The following PLXNA3 variants were observed in gnomAD, a reference collection of about 807,000 sequenced individuals.
The protein encoded by PLXNA3 is plexin-A3.
PLXNA3 carries 52 observed loss-of-function variants against 118.8 expected under a neutral mutation model. The observed-to-expected ratio is 0.44, with a 90% confidence interval of 0.35 to 0.55. PLXNA3 has a LOEUF of 0.55. Ranked by LOEUF, PLXNA3 falls within the 20% of genes least tolerant of loss-of-function variation. PLXNA3 has a pLI of 0.01. For missense variants in PLXNA3, 1,660 were observed against 1,730.8 expected (o/e 0.96, Z 0.73); for synonymous variants, 925 against 762.4 (o/e 1.21, Z -3.51).
Position 154,469,457 on chromosome X carries a change from G to A in PLXNA3, c.4673G>A (p.Arg1558Lys), listed in dbSNP as rs782249141. The A allele has an allele frequency of 1.7e-5, 20 of 1,205,810 alleles. No homozygotes were observed. The South Asian group carries it at 3.2e-4, about 19-fold the overall frequency. Reference protein sequence around the residue: ...VTTKIECDWKRLNSLAHYQVT... With the variant: ...VTTKIECDWKKLNSLAHYQVT... Reference sequence around the variant, plus strand: ...ACCAAGATCGAGTGTGACTGGAAGAGGCTCAACTCACTGGCCCACTACCAG... The same window carrying A: ...ACCAAGATCGAGTGTGACTGGAAGAAGCTCAACTCACTGGCCCACTACCAG... Residue 1558 changes from arginine to lysine, a missense_variant, in exon 27 of 33, where the codon AGG becomes AAG. Coordinates refer to ENST00000369682, the MANE Select transcript of PLXNA3 (RefSeq NM_017514.5).
At chrX:154,464,344 C>T (rs2069036673) in intron 8 of PLXNA3, 31 bp downstream of exon 8, 3 of 1,201,519 alleles carry the variant, frequency 2.5e-6, no homozygotes, top group Non-Finnish European at 3.4e-6. Context: ...CAGGATGGGG[C>T]AGAGTGGGGC....
Position 154,461,185 on chromosome X carries a change from C to T in PLXNA3, c.681C>T (p.Ile227=). 1.7e-6 allele frequency: 2 copies of T among 1,211,759 alleles called. No homozygotes were observed. Among genetic ancestry groups the T allele is most frequent in the African/African-American group, 1.7e-5 (1 of 58,047 alleles). The change falls in exon 3 of 33, where the codon ATC becomes ATT. Residue 227 remains isoleucine (I), a synonymous_variant. Coordinates refer to ENST00000369682, the MANE Select transcript of PLXNA3 (RefSeq NM_017514.5). ...SLYPAFDIYY[I]YGFVSASFVY... is the part of the protein sequence containing the mutation. ...ACCCTGCCTTTGACATCTACTACAT[C>T]TACGGCTTCGTCAGCGCCTCCTTCG...
intron 4 of PLXNA3, among the ~76,000 whole-genome samples, chrX:154,463,072 A>G (rs1009482723): frequency 1.8e-5 from 2 of 111,270 alleles, no homozygotes; most frequent in African/African-American, 6.5e-5. Context: ...TGCACAGTTC[A>G]GTGGGTTTCT....
In PLXNA3 at chrX:154,465,765, G is replaced by A. The variant is rs782122667; in HGVS notation, c.2450G>A (p.Arg817Gln). 2.6e-5 allele frequency: 31 copies of A among 1,208,576 alleles called. No homozygotes were observed. The South Asian group carries it at 3.9e-4, about 15-fold the overall frequency. ...WCISEHRCQL[R>Q]THCPAPKTNW... ...ATCTCAGAGCACAGGTGCCAGCTGCGGACCCACTGCCCGGCCCCGAAGACC... is the reference window on the plus strand; with the variant it reads ...ATCTCAGAGCACAGGTGCCAGCTGCAGACCCACTGCCCGGCCCCGAAGACC... Residue 817 changes from arginine to glutamine, a missense_variant, in exon 13 of 33, where the codon CGG becomes CAG. Around this residue, in one of 2 missense-constraint regions of PLXNA3, gnomAD observed 869 missense variants for 1,078.7 expected, o/e 0.81. Transcript: ENST00000369682.
chrX:154,470,842 G>C (rs1298874684), intron 30 of PLXNA3: 2 of 447,925 alleles, frequency 4.5e-6, no homozygotes, highest in African/African-American at 4.9e-5. Flanking sequence ...TTGCCCTCTG[G>C]GGTCTTGCAC....
chrX:154,463,989 C>T lies in PLXNA3; in HGVS notation c.1586C>T (p.Pro529Leu), dbSNP rs1235451586. The T allele has an allele frequency of 9.2e-6, 11 of 1,199,315 alleles. No individual in the cohort carries two copies. The African/African-American group carries it at 1.4e-4, about 15-fold the overall frequency. ...REGACLGASA[P>L]HGFAEELSKC... The stretch of plus-strand genomic sequence containing the variant: ...GGGGCCTGTCTGGGCGCCTCTGCCC[C>T]ACACGGCTTTGCTGAGGAGCTGAGC... Residue 529 changes from proline to leucine, a missense_variant, in exon 7 of 33, where the codon CCA (proline) becomes CTA (leucine). This residue lies in a region of PLXNA3 where 791 missense variants were observed against 652.1 expected (regional missense o/e 1.21). Transcript: ENST00000369682.
At position 154,477,693 on chromosome X, in the gene PLXNA3, T is replaced by G; in HGVS notation, c.*5008T>G. 3.9e-6 allele frequency: 1 copy of G among 256,059 alleles called. No individual in the cohort carries two copies. The highest frequency in any genetic ancestry group is 5.6e-5 in the East Asian group (1 of 17,738). The allele number at this position is 256,059 out of a possible 1,213,427, so 21.1% of individuals were successfully genotyped here. A position where few individuals can be genotyped will look rare whatever the true frequency, so the allele number is the denominator to read the frequency against. The stretch of plus-strand genomic sequence containing the variant: ...TCCTTGTACTCCTTGAATATCTGAA[T>G]TCTAGAACCCCCCCCCCAGCAACCC... On this transcript the variant is annotated 3_prime_UTR_variant, in exon 33 of 33. Transcript: ENST00000369682.
At chrX:154,462,927 G>C (rs1462957166) in intron 4 of PLXNA3, among the ~76,000 whole-genome samples, 1 of 111,358 alleles carries the variant, frequency 9.0e-6, no homozygotes, top group Non-Finnish European at 1.9e-5. Flanking sequence ...GGCAAGTGTT[G>C]GTCTGGGGGC....
rs782780897 is a variant in PLXNA3 at position 154,464,515 on chromosome X, C to T, written c.1928+14C>T. The T allele has an allele frequency of 4.3e-6, 5 of 1,170,192 alleles. No homozygotes were observed. In the African/African-American group the frequency reaches 8.8e-5, roughly 21 times the overall value. On this transcript the variant is annotated intron_variant, in intron 9 of 32. Transcript: ENST00000369682. ...CGTCCTCCAGTCGTGAGTACCTGGC[C>T]AGCACCCGTCCCTACCCCTGGGGAT... is the stretch of plus-strand genomic sequence containing the variant.
intron 30 of PLXNA3, 53 bp downstream of exon 30, chrX:154,470,664 A>G: frequency 8.9e-7 from 1 of 1,117,809 alleles, no homozygotes; most frequent in Non-Finnish European, 1.2e-6. Flanking sequence ...GGTGGGCGGA[A>G]GACGCTGGTG....
intron 4 of PLXNA3, among the ~76,000 whole-genome samples, chrX:154,463,090 T>G (rs1202382259): frequency 9.0e-6 from 1 of 111,565 alleles, no homozygotes; most frequent in Non-Finnish European, 1.9e-5. Context: ...TCTGTGGATC[T>G]GCAGAGTGGC....
Position 154,460,324 on chromosome X carries a change from G to C in PLXNA3, c.141G>C (p.Val47=), listed in dbSNP as rs1442014835. 8.3e-7 allele frequency: 1 copy of C among 1,210,706 alleles called. No individual in the cohort carries two copies. The highest frequency in any genetic ancestry group is 1.7e-5 in the African/African-American group (1 of 57,804). The change falls in exon 2 of 33, where the codon GTG becomes GTC. Residue 47 remains valine, a synonymous_variant. Transcript: ENST00000369682. ...ACCGGGTGACTGGGGAGGTGTTCGT[G>C]GGCGCAGTGAACCGAGTCTTTAAGC... is the stretch of plus-strand genomic sequence containing the variant. ...AVHRVTGEVF[V]GAVNRVFKLA...
rs781920321 is a variant in PLXNA3, at chrX:154,460,285, C to T, written c.102C>T (p.Thr34=). ...TCGTGGTGACAGACACCACGCTTAC[C>T]CACCTGGCTGTGCACCGGGTGACTG... ...RAFVVTDTTL[T]HLAVHRVTGE... is the part of the protein sequence containing the mutation. Residue 34 remains threonine, a synonymous_variant, in exon 2 of 33, where the codon ACC becomes ACT. Transcript: ENST00000369682. 8 of 1,206,909 alleles carry T rather than the reference C, an allele frequency of 6.6e-6. No homozygotes were observed. The African/African-American group carries it at 1.2e-4, about 18-fold the overall frequency.
intron 17 of PLXNA3, 108 bp from the exon 18 acceptor site, chrX:154,466,949 C>T (rs938473064): frequency 1.4e-5 from 12 of 874,905 alleles, no homozygotes; most frequent in South Asian, 2.3e-5. Context: ...ACCCACTAGG[C>T]GATCCAGGGT....
At position 154,468,897 on chromosome X, in the gene PLXNA3, C is replaced by T; in HGVS notation, c.4362C>T (p.Ala1454=). ...KQQMEKGPID[A]ITGEARYSLS... ...AGATGGAGAAGGGCCCCATTGATGC[C>T]ATCACGGGCGAGGCACGATACTCCC... Residue 1454 remains alanine (A), a synonymous_variant, in exon 25 of 33, where the codon GCC becomes GCT. Transcript: ENST00000369682. 1 of 1,211,487 alleles carries T rather than the reference C, an allele frequency of 8.3e-7. No homozygotes were observed.
rs1389734392 is a variant in PLXNA3 at position 154,458,288 on chromosome X, GGGC to G, written c.-152_-150del. ...CGGCCCCCGGGCCAGCCCAGTGTGT[GGGC>G]GGCGGCGGCGGCGGCTGCGCGCTTG... is the stretch of plus-strand genomic sequence containing the variant. On this transcript the variant is annotated 5_prime_UTR_variant, in exon 1 of 33. Coordinates refer to ENST00000369682, the MANE Select transcript of PLXNA3 (RefSeq NM_017514.5). The G allele has an allele frequency of 3.7e-5, 4 of 109,189 alleles. No individual in the cohort carries two copies. The highest frequency in any genetic ancestry group is 7.7e-5 in the Non-Finnish European group (4 of 51,772). The allele number at this position is 109,189 out of a possible 1,213,427, so 9.0% of individuals were successfully genotyped here. A position where few individuals can be genotyped will look rare whatever the true frequency, so the allele number is the denominator to read the frequency against.
Position 154,472,664 on chromosome X carries a change from C to A in PLXNA3, c.5595C>A (p.Ser1865Arg). Residue 1865 changes from serine (S) to arginine (R), a missense_variant, in exon 33 of 33, where the codon AGC becomes AGA. By Grantham distance (110) the Ser-to-Arg change is moderately radical (BLOSUM62 -1). Transcript: ENST00000369682. ...KLRQKLEQII[S>R]LVSSDS is the part of the protein sequence containing the mutation. ...GGCAGAAACTGGAACAGATCATCAG[C>A]CTCGTGTCCAGCGACAGCTAAGGTG... The A allele has an allele frequency of 8.3e-7, 1 of 1,200,601 alleles. No homozygotes were observed. Among genetic ancestry groups the A allele is most frequent in the South Asian group, 1.8e-5 (1 of 56,714 alleles).
rs782157741 is a variant in PLXNA3 at position 154,465,904 on chromosome X, C to T, written c.2533-31C>T. ...CAACAGGGCCCCTGGGAGTCTGAGC[C>T]AACTCTCTCACTGCCCATCCTGCTC... is the stretch of plus-strand genomic sequence containing the variant. On this transcript the variant is annotated intron_variant, in intron 13 of 32. Transcript: ENST00000369682. The T allele has an allele frequency of 1.5e-5, 18 of 1,209,729 alleles. No individual in the cohort carries two copies. In the African/African-American group the frequency reaches 2.1e-4, roughly 14 times the overall value.
In PLXNA3 at chrX:154,470,397, C is replaced by G. The variant is rs1557209054; in HGVS notation, c.4987-45C>G. 11 of 1,166,390 alleles carry G rather than the reference C, an allele frequency of 9.4e-6. No homozygotes were observed. In the Admixed American group the frequency reaches 2.5e-4, roughly 27 times the overall value. ...CCATCTGTCCTGCTCTGGGGACATCCCAACCTGGCTCCCTCATAGCCTGTG... is the reference window on the plus strand; with the variant it reads ...CCATCTGTCCTGCTCTGGGGACATCGCAACCTGGCTCCCTCATAGCCTGTG... On this transcript the variant is annotated intron_variant, in intron 29 of 32. Transcript: ENST00000369682.
Sources: allele counts gnomAD v4.1 joint callset (sites outside exome capture counted in the v4.1 genomes callset), GRCh38; gene constraint gnomAD v4.1.1; regional missense constraint gnomAD v4.1.1; transcripts MANE v1.5; gene names NCBI Gene and HGNC (gene_info 2026-07-23, HGNC 2026-07-21).